LRMDA: variants seen among roughly 807,000 people sequenced by gnomAD.
LRMDA encodes leucine rich melanocyte differentiation associated.
In LRMDA, 18 loss-of-function variants were observed where a neutral mutation model predicts 29.8. That is an observed-to-expected ratio of 0.60 (90% CI 0.42 to 0.90). The LOEUF is 0.90. LRMDA is among the 40% of genes least tolerant of loss of function. The probability of loss-of-function intolerance (pLI) is 0.00; values close to 1 mark genes in which losing one functional copy is unlikely to be tolerated. For missense variants in LRMDA, 273 were observed against 273.9 expected (o/e 1.00, Z 0.02); for synonymous variants, 125 against 109.4 (o/e 1.14, Z -0.89).
At chr10:75,443,443 A>G (rs1291679449) in intron 2 of LRMDA, among the ~76,000 whole-genome samples, 4 of 152,048 alleles carry the variant, frequency 2.6e-5, no homozygotes, top group African/African-American at 9.7e-5. Flanking sequence ...TTTTTCTGTT[A>G]ATATGGTATC....
chr10:76,220,642 C>G (rs542968757), intron 5 of LRMDA, among the ~76,000 whole-genome samples: 5 of 152,064 alleles, frequency 3.3e-5, no homozygotes, highest in Admixed American at 3.3e-4. Context: ...ACTTACCAAC[C>G]AAAAAGAGTC....
intron 5 of LRMDA, among the ~76,000 whole-genome samples, chr10:76,286,292 A>G (rs1865644): frequency 0.51 from 77,755 of 151,590 alleles, 20,186 homozygotes; most frequent in African/African-American, 0.6. Flanking sequence ...AAAGGGCTGT[A>G]AGGAGTGGAG....
chr10:75,715,544 A>G (rs1842489651), intron 2 of LRMDA, among the ~76,000 whole-genome samples: 2 of 152,160 alleles, frequency 1.3e-5, no homozygotes, highest in Admixed American at 6.5e-5. Context: ...ATCAATATGT[A>G]TTTTGAGCAT....
At chr10:75,831,480 C>A (rs541446477) in intron 2 of LRMDA, among the ~76,000 whole-genome samples, 23 of 152,348 alleles carry the variant, frequency 1.5e-4, no homozygotes, top group South Asian at 4.1e-4. Flanking sequence ...GGGTATAGCG[C>A]CGCTCCTGGC....
chr10:76,055,805 G>T (rs1350461990), intron 4 of LRMDA, among the ~76,000 whole-genome samples: 1 of 152,222 alleles, frequency 6.6e-6, no homozygotes, highest in Non-Finnish European at 1.5e-5. Context: ...GAACGTGGTG[G>T]CACCTGGAAG....
chr10:75,670,546 G>A (rs1379894135), intron 2 of LRMDA, among the ~76,000 whole-genome samples: 1 of 152,200 alleles, frequency 6.6e-6, no homozygotes, highest in Admixed American at 6.5e-5. Flanking sequence ...ATGGTGAGGA[G>A]CTGGCTTTTC....
At chr10:75,551,322 A>G (rs1256593631) in intron 2 of LRMDA, among the ~76,000 whole-genome samples, 1 of 152,048 alleles carries the variant, frequency 6.6e-6, no homozygotes, top group African/African-American at 2.4e-5. Context: ...GGCCTGGCTT[A>G]CTTGATATTT....
intron 2 of LRMDA, among the ~76,000 whole-genome samples, chr10:75,613,829 G>A (rs372496203): frequency 1.3e-5 from 2 of 152,152 alleles, no homozygotes; most frequent in Non-Finnish European, 2.9e-5. Flanking sequence ...ATACTATAGC[G>A]ACTCATAAAT....
At chr10:76,250,233 T>C (rs1356395774) in intron 5 of LRMDA, among the ~76,000 whole-genome samples, 1 of 152,176 alleles carries the variant, frequency 6.6e-6, no homozygotes. Context: ...CCTGGCATAT[T>C]GTGAAGCAAG....
chr10:75,826,973 T>C (rs1249016363), intron 2 of LRMDA, among the ~76,000 whole-genome samples: 2 of 152,164 alleles, frequency 1.3e-5, no homozygotes, highest in African/African-American at 4.8e-5. Flanking sequence ...TGTGTTTCTG[T>C]GATGATCCCC....
chr10:76,066,333 C>G (rs980818440), intron 5 of LRMDA, among the ~76,000 whole-genome samples: 8 of 152,214 alleles, frequency 5.3e-5, no homozygotes, highest in African/African-American at 1.4e-4. Flanking sequence ...ATTAAGTAGT[C>G]ACTGTCTGCT....
chr10:76,107,950 T>A (rs1422832274), intron 5 of LRMDA, among the ~76,000 whole-genome samples: 3 of 152,154 alleles, frequency 2.0e-5, no homozygotes, highest in Non-Finnish European at 4.4e-5. Flanking sequence ...ATTTCTTCCC[T>A]TAGGGGCAAA....
At position 75,905,271 on chromosome 10, in the gene LRMDA, TA is replaced by T. The variant is rs1589248215; in HGVS notation, c.132-130732del. Among the ~76,000 whole-genome samples the T allele has an allele frequency of 4.7e-5, 7 of 148,740 alleles. No individual in the cohort carries two copies. The East Asian group carries it at 1.4e-3, about 30-fold the overall frequency. ...TTTTTTTTTTAAATCATAGACCCTCTAAAAACAAAATGAGAATTTGTGATTG... is the reference window on the plus strand; with the variant it reads ...TTTTTTTTTTAAATCATAGACCCTCTAAAACAAAATGAGAATTTGTGATTG... On this transcript the variant is annotated intron_variant, in intron 2 of 6. Transcript: ENST00000611255.
chr10:75,435,628 T>A (rs1844255456), intron 1 of LRMDA, among the ~76,000 whole-genome samples: 1 of 152,222 alleles, frequency 6.6e-6, no homozygotes, highest in Admixed American at 6.5e-5. Flanking sequence ...TTCTTAGTCT[T>A]CCTGGGATGT....
intron 2 of LRMDA, chr10:75,552,493 G>T (rs1840164969): frequency 2.2e-6 from 1 of 450,388 alleles, no homozygotes. Flanking sequence ...ACTATGATGA[G>T]GTGTGCCATC....
At chr10:76,432,905 G>A (rs559306221) in intron 6 of LRMDA, among the ~76,000 whole-genome samples, 11 of 152,184 alleles carry the variant, frequency 7.2e-5, no homozygotes, top group Non-Finnish European at 1.2e-4. Flanking sequence ...GCACTAGCAT[G>A]TGGTGGCCAT....
chr10:76,209,879 T>G (rs1851605221), intron 5 of LRMDA, among the ~76,000 whole-genome samples: 1 of 152,202 alleles, frequency 6.6e-6, no homozygotes, highest in African/African-American at 2.4e-5. Context: ...CCAGGGAATA[T>G]TTTGAAAGCA....
At chr10:76,348,730 T>C (rs1841139219) in intron 6 of LRMDA, among the ~76,000 whole-genome samples, 1 of 152,198 alleles carries the variant, frequency 6.6e-6, no homozygotes, top group South Asian at 2.1e-4. Context: ...AGGTATTTGC[T>C]ATGCAAGACA....
chr10:76,146,804 G>A (rs1313589802), intron 5 of LRMDA, among the ~76,000 whole-genome samples: 1 of 152,204 alleles, frequency 6.6e-6, no homozygotes, highest in Non-Finnish European at 1.5e-5. Context: ...AATTTGGCAT[G>A]TTTTTGCAGT....
Sources: allele counts gnomAD v4.1 joint callset (sites outside exome capture counted in the v4.1 genomes callset), GRCh38; gene constraint gnomAD v4.1.1; transcripts MANE v1.5; gene names NCBI Gene and HGNC (gene_info 2026-07-23, HGNC 2026-07-21).